The following MYO18A variants were observed in gnomAD, a reference collection of about 807,000 sequenced individuals.
MYO18A encodes the protein unconventional myosin-XVIIIa.
In MYO18A, 78 loss-of-function variants were observed where a neutral mutation model predicts 235.8. The ratio of observed to expected loss-of-function variants is 0.33; its 90% CI spans 0.28 to 0.40. MYO18A has a LOEUF of 0.40. MYO18A is among the 10% of genes least tolerant of loss of function. The probability of loss-of-function intolerance (pLI) is 1.00; values close to 1 mark genes in which losing one functional copy is unlikely to be tolerated. For synonymous variants in MYO18A, 977 were observed against 1,077.8 expected (o/e 0.91, Z 1.83); for missense variants, 2,215 against 2,699.3 (o/e 0.82, Z 3.98).
At position 29,073,877 on chromosome 17, in the gene MYO18A, T is replaced by G. The variant is rs1305812924; in HGVS notation, c.*893A>C. 6.3e-7 allele frequency: 1 copy of G among 1,594,454 alleles called. No individual in the cohort carries two copies. Among genetic ancestry groups the G allele is most frequent in the Admixed American group, 1.7e-5 (1 of 59,290 alleles). The stretch of plus-strand genomic sequence containing the variant: ...TCAACCCCAAGCCTTCCCTCTCAAG[T>G]TGAGTTTATGGTCCAGACCACCTGG... On this transcript the variant is annotated 3_prime_UTR_variant, in exon 42 of 42. Transcript: ENST00000527372.
chr17:29,080,600 A>T, intron 41 of MYO18A: 1 of 985,754 alleles, frequency 1.0e-6, no homozygotes, highest in Non-Finnish European at 1.2e-6. Flanking sequence ...CCCGACAGCG[A>T]GAAACTCAGG....
At chr17:29,075,128 G>A in intron 41 of MYO18A, 4 of 544,402 alleles carry the variant, frequency 7.3e-6, no homozygotes, top group Non-Finnish European at 1.3e-5. Flanking sequence ...GGAAAGGGAT[G>A]CTGAGAGCAG....
intron 2 of MYO18A, among the ~76,000 whole-genome samples, chr17:29,135,924 T>C (rs2067586015): frequency 6.6e-6 from 1 of 152,214 alleles, no homozygotes; most frequent in South Asian, 2.1e-4. Flanking sequence ...TGCATGCCCA[T>C]ATCAAAACAA....
At chr17:29,091,505 T>C (rs963317232) in intron 34 of MYO18A, 2 of 409,278 alleles carry the variant, frequency 4.9e-6, no homozygotes, top group Admixed American at 5.3e-5. Flanking sequence ...GCCCCATCCA[T>C]CTTGTTACTG....
chr17:29,116,662 GACAC>G (rs1053226670), intron 10 of MYO18A, among the ~76,000 whole-genome samples: 2 of 103,686 alleles, frequency 1.9e-5, no homozygotes, highest in African/African-American at 8.6e-5. Context: ...TAATCACACT[GACAC>G]ACACAGAAAG....
chr17:29,112,401 A>G (rs573458222), intron 15 of MYO18A, among the ~76,000 whole-genome samples: 5 of 152,216 alleles, frequency 3.3e-5, no homozygotes, highest in African/African-American at 4.8e-5. Context: ...GGCCAAAAGC[A>G]TAAGACAGGT....
chr17:29,098,429 AGCT>A lies in MYO18A; in HGVS notation c.3794_3796del (p.Gln1265del). 1 of 1,613,950 alleles carries A rather than the reference AGCT, an allele frequency of 6.2e-7. No homozygotes were observed. The highest frequency in any genetic ancestry group is 8.5e-7 in the Non-Finnish European group (1 of 1,179,878). On this transcript the variant is annotated inframe_deletion, in exon 24 of 42. Transcript: ENST00000527372. Reference sequence around the variant, plus strand: ...CTCCGCCTTCTCGAGCTTGCTCCGCAGCTGCTGGATCTCCTCCTAGGGTGGACC... The same window carrying A: ...CTCCGCCTTCTCGAGCTTGCTCCGCAGCTGGATCTCCTCCTAGGGTGGACC...
chr17:29,145,995 C>T (rs1021136466), intron 2 of MYO18A, among the ~76,000 whole-genome samples: 5 of 152,180 alleles, frequency 3.3e-5, no homozygotes, highest in African/African-American at 7.2e-5. Flanking sequence ...TAGTGGCTCA[C>T]GCCAGTAATC....
chr17:29,099,069 G>T, intron 22 of MYO18A, 100 bp from the exon 23 acceptor site: 3 of 1,459,222 alleles, frequency 2.1e-6, no homozygotes, highest in Admixed American at 1.8e-5. Flanking sequence ...CCCCAGGGCT[G>T]CTCCTCTGGC....
chr17:29,103,154 C>T (rs2066697348), intron 21 of MYO18A, among the ~76,000 whole-genome samples: 1 of 152,242 alleles, frequency 6.6e-6, no homozygotes, highest in South Asian at 2.1e-4. Context: ...ACAGCCTCAC[C>T]ATGTCCTACT....
In MYO18A at chr17:29,122,219, G is replaced by A. The variant is rs761068838; in HGVS notation, c.1034C>T (p.Ala345Val). Residue 345 changes from alanine to valine, a missense_variant, in exon 3 of 42, where the codon GCC becomes GTC. Coordinates refer to ENST00000527372, the MANE Select transcript of MYO18A (RefSeq NM_078471.4). The part of the protein sequence containing the change: ...KTEEQIAAEE[A>V]WNETEKVWLV... ...CCACACCTTCTCCGTCTCATTCCAG[G>A]CCTCTTCTGCTGCAATCTGTTCTTC... 1 of 1,613,562 alleles carries A rather than the reference G, an allele frequency of 6.2e-7. No individual in the cohort carries two copies. Among genetic ancestry groups the A allele is most frequent in the Admixed American group, 1.7e-5 (1 of 59,974 alleles).
At chr17:29,084,556 C>T (rs990751069) in intron 40 of MYO18A, among the ~76,000 whole-genome samples, 2 of 152,112 alleles carry the variant, frequency 1.3e-5, no homozygotes, top group Non-Finnish European at 2.9e-5. Context: ...AATTTATGTC[C>T]GGGCTCATGT....
At chr17:29,149,418 G>T (rs562765435) in intron 2 of MYO18A, among the ~76,000 whole-genome samples, 2 of 152,334 alleles carry the variant, frequency 1.3e-5, no homozygotes, top group African/African-American at 4.8e-5. Context: ...GTGGGTATGG[G>T]ACGGCGAGCC....
At position 29,097,358 on chromosome 17, in the gene MYO18A, G is replaced by A. The variant is rs1235555946; in HGVS notation, c.4103-8C>T. On this transcript the variant is annotated splice_polypyrimidine_tract_variant and splice_region_variant and intron_variant, in intron 26 of 41. Coordinates refer to ENST00000527372, the MANE Select transcript of MYO18A (RefSeq NM_078471.4). ...TCAGCCGCCACTCGCCACCTGTGGG[G>A]TTGAGGCAGACAAGGGAGGATGGAG... is the stretch of plus-strand genomic sequence containing the variant. The A allele has an allele frequency of 1.9e-6, 3 of 1,607,020 alleles. No homozygotes were observed. Among genetic ancestry groups the A allele is most frequent in the East Asian group, 2.2e-5 (1 of 44,884 alleles).
At chr17:29,090,717 C>T in intron 35 of MYO18A, 93 bp downstream of exon 35, 1 of 1,533,020 alleles carries the variant, frequency 6.5e-7, no homozygotes, top group Admixed American at 1.7e-5. Flanking sequence ...ACTCCATCAC[C>T]TCCCAAAACA....
intron 41 of MYO18A, among the ~76,000 whole-genome samples, chr17:29,081,329 T>A (rs1184834817): frequency 6.6e-6 from 1 of 152,238 alleles, no homozygotes; most frequent in African/African-American, 2.4e-5. Context: ...TGGAGCCTCG[T>A]GCCATGCCGT....
intron 32 of MYO18A, 93 bp from the exon 33 acceptor site, chr17:29,093,094 G>C (rs1198473153): frequency 1.4e-6 from 2 of 1,478,540 alleles, no homozygotes; most frequent in African/African-American, 2.8e-5. Context: ...CTCATTATCA[G>C]TGTCCCCATA....
chr17:29,126,615 C>G lies in MYO18A; in HGVS notation c.1000-4362G>C, dbSNP rs1009157013. Among the ~76,000 whole-genome samples the G allele has an allele frequency of 6.6e-6, 1 of 152,162 alleles. No individual in the cohort carries two copies. Among genetic ancestry groups the G allele is most frequent in the Non-Finnish European group, 1.5e-5 (1 of 68,024 alleles). On this transcript the variant is annotated intron_variant, in intron 2 of 41. Coordinates refer to ENST00000527372, the MANE Select transcript of MYO18A (RefSeq NM_078471.4). This position sits in a 1 kb window ranked among gnomAD's most constrained non-coding sequence, Gnocchi z 4.1. ...ACAGTCAGGGAGGGCCTCAAGGCCTCTCAGGCTATTCCCCCATACCCTCCA... is the reference window on the plus strand; with the variant it reads ...ACAGTCAGGGAGGGCCTCAAGGCCTGTCAGGCTATTCCCCCATACCCTCCA...
At chr17:29,122,036 TC>T (rs577396934) in intron 3 of MYO18A, 79 bp from the exon 4 acceptor site, 21 of 1,531,964 alleles carry the variant, frequency 1.4e-5, no homozygotes, top group East Asian at 6.8e-5. Context: ...GGTCCTATCC[TC>T]CCCCCCACTG....
Sources: gnomAD v4.1 joint callset for allele counts (sites outside exome capture counted in the v4.1 genomes callset) on GRCh38, gnomAD v4.1.1 for gene constraint, Gnocchi (gnomAD v3.1) non-coding constraint, MANE v1.5 for transcripts, NCBI Gene and HGNC (gene_info 2026-07-23, HGNC 2026-07-21) for gene names.